COL4A2: variants seen among roughly 807,000 people sequenced by gnomAD.
The protein encoded by COL4A2 is collagen type IV alpha 2 chain, also known as collagen alpha-2(IV) chain.
A neutral mutation model predicts 200.2 loss-of-function variants in COL4A2; 99 were observed. The observed-to-expected ratio is 0.49, with a 90% CI of 0.42 to 0.58. The LOEUF (loss-of-function observed/expected upper bound fraction) is 0.58. Among genes scored for constraint, COL4A2 ranks in the 20% least tolerant of loss-of-function variants. The probability of loss-of-function intolerance (pLI) is 0.00; values close to 1 mark genes in which losing one functional copy is unlikely to be tolerated. For synonymous variants in COL4A2, 897 were observed against 900.6 expected, an observed-to-expected ratio of 1.00 and a Z score of 0.07; for missense variants, 1,950 against 2,314.1, an observed-to-expected ratio of 0.84 and a Z score of 3.23.
chr13:110,360,705 G>T (rs1877475532), intron 4 of COL4A2, among the ~76,000 whole-genome samples: 1 of 152,200 alleles, frequency 6.6e-6, no homozygotes, highest in Admixed American at 6.5e-5. Context: ...TAGTTATCCA[G>T]ACGGGTTATC....
At chr13:110,365,279 T>C (rs554634067) in intron 4 of COL4A2, among the ~76,000 whole-genome samples, 2 of 152,196 alleles carry the variant, frequency 1.3e-5, no homozygotes, top group South Asian at 2.1e-4. Context: ...GTAGCTGGGA[T>C]TACAGGCATG....
At chr13:110,427,278 T>A (rs1594208006) in intron 6 of COL4A2, among the ~76,000 whole-genome samples, 1 of 152,222 alleles carries the variant, frequency 6.6e-6, no homozygotes, top group East Asian at 1.9e-4. Context: ...TCCTCCCGAG[T>A]AGCTGGGATT....
chr13:110,361,208 C>T (rs995516765), intron 4 of COL4A2, among the ~76,000 whole-genome samples: 9 of 152,226 alleles, frequency 5.9e-5, no homozygotes, highest in Non-Finnish European at 4.4e-5. Context: ...AAATCCGGTG[C>T]ATGTGGCTTA....
chr13:110,432,191 G>A, intron 10 of COL4A2, 134 bp from the exon 11 acceptor site: 1 of 1,142,212 alleles, frequency 8.8e-7, no homozygotes, highest in Non-Finnish European at 1.1e-6. Context: ...CAAGCCAAAT[G>A]CATCAGAAAC....
chr13:110,420,023 C>T (rs1395040815), intron 4 of COL4A2, among the ~76,000 whole-genome samples: 2 of 152,210 alleles, frequency 1.3e-5, no homozygotes, highest in African/African-American at 4.8e-5. Flanking sequence ...GGTTCTCAAA[C>T]TGTTATGTAC....
At chr13:110,451,382 A>G (rs1881533443) in intron 20 of COL4A2, among the ~76,000 whole-genome samples, 1 of 152,248 alleles carries the variant, frequency 6.6e-6, no homozygotes, top group Admixed American at 6.5e-5. Flanking sequence ...AATCAGCTGT[A>G]TTAGTTCGTT....
chr13:110,395,860 G>A (rs932075094), intron 4 of COL4A2, among the ~76,000 whole-genome samples: 7 of 152,210 alleles, frequency 4.6e-5, no homozygotes, highest in Non-Finnish European at 1.0e-4. Context: ...CACAAGAATT[G>A]CTTGAACTCA....
Position 110,481,142 on chromosome 13 carries a change from A to G in COL4A2, c.2758+752A>G, listed in dbSNP as rs71441616. Among the ~76,000 whole-genome samples the G allele has an allele frequency of 5.0e-3, 37 of 7,410 alleles. 2 individuals carry two copies. Among genetic ancestry groups the G allele is most frequent in the East Asian group, 0.037 (9 of 246 alleles). 4.9% of individuals were successfully genotyped at this position (7,410 alleles called of 152,430 possible). ...TGGAGACACACAGTTCTGTCCCTCC[A>G]TTGCTGGAGACACACTGTTCTGTCC... On this transcript the variant is annotated intron_variant, in intron 31 of 47. Transcript: ENST00000360467.
chr13:110,311,642 T>G (rs1318777112), intron 3 of COL4A2, among the ~76,000 whole-genome samples: 1 of 152,168 alleles, frequency 6.6e-6, no homozygotes, highest in Non-Finnish European at 1.5e-5. Context: ...TGGGCCTGTT[T>G]AAGGGACTTC....
Position 110,362,488 on chromosome 13 carries a change from A to AT in COL4A2, c.180+4949dup, listed in dbSNP as rs35902884. Among the ~76,000 whole-genome samples, 291 of 146,122 alleles carry AT rather than the reference A, an allele frequency of 2.0e-3. 1 individual carries two copies. Among genetic ancestry groups the AT allele is most frequent in the Admixed American group, 5.1e-3 (75 of 14,734 alleles). Reference sequence around the variant, plus strand: ...ACCACCACACCTGGCTGATTTTTGTATTTTTTTTTTTTTGTGGAGATGGGA... The same window carrying AT: ...ACCACCACACCTGGCTGATTTTTGTATTTTTTTTTTTTTTGTGGAGATGGGA... On this transcript the variant is annotated intron_variant, in intron 4 of 47. Transcript: ENST00000360467.
At chr13:110,435,343 T>C (rs1173030359) in intron 12 of COL4A2, among the ~76,000 whole-genome samples, 1 of 152,172 alleles carries the variant, frequency 6.6e-6, no homozygotes, top group Non-Finnish European at 1.5e-5. Flanking sequence ...AAGAAATCAT[T>C]GGTGGGAGAA....
Position 110,506,257 on chromosome 13 carries a change from ACT to A in COL4A2, c.4403-136_4403-135del, listed in dbSNP as rs10558706. On this transcript the variant is annotated intron_variant, in intron 45 of 47. Transcript: ENST00000360467. ...GGGCTGCAGGTACACCAGGCCGTCC[ACT>A]CTCTCTCTCTCTCTCTCTCTCGGGC... Among the ~76,000 whole-genome samples the A allele has an allele frequency of 0.83, 96,782 of 116,832 alleles. 40,173 individuals carry two copies. The highest frequency in any genetic ancestry group is 0.89 in the Middle Eastern group (206 of 232). The allele number at this position is 116,832 out of a possible 152,430, so 76.6% of individuals were successfully genotyped here.
chr13:110,503,297 G>T lies in COL4A2; in HGVS notation c.4039+15G>T, dbSNP rs745798398. 1 of 1,597,704 alleles carries T rather than the reference G, an allele frequency of 6.3e-7. No homozygotes were observed. ...AGGAGAAAAAGGTAACAGTGCCCATGGCCATGGGCCAGCAGCCCTGGCCAC... is the reference window on the plus strand; with the variant it reads ...AGGAGAAAAAGGTAACAGTGCCCATTGCCATGGGCCAGCAGCCCTGGCCAC... On this transcript the variant is annotated intron_variant, in intron 42 of 47. Coordinates refer to ENST00000360467, the MANE Select transcript of COL4A2 (RefSeq NM_001846.4).
At chr13:110,392,006 A>G (rs1388794979) in intron 4 of COL4A2, among the ~76,000 whole-genome samples, 1 of 152,138 alleles carries the variant, frequency 6.6e-6, no homozygotes, top group South Asian at 2.1e-4. Context: ...GGCCCCACAC[A>G]TTCTGTTTGC....
chr13:110,381,528 G>A (rs1023648858), intron 4 of COL4A2, among the ~76,000 whole-genome samples: 1 of 152,126 alleles, frequency 6.6e-6, no homozygotes, highest in African/African-American at 2.4e-5. Context: ...CTGCCAGGTG[G>A]GTCCTTATGA....
At chr13:110,486,181 C>T (rs1883113176) in intron 34 of COL4A2, among the ~76,000 whole-genome samples, 1 of 152,218 alleles carries the variant, frequency 6.6e-6, no homozygotes, top group African/African-American at 2.4e-5. Flanking sequence ...CCTGAGAGCC[C>T]ATGGCCGAAT....
chr13:110,393,417 TCCA>T (rs1594188750), intron 4 of COL4A2, among the ~76,000 whole-genome samples: 2 of 152,288 alleles, frequency 1.3e-5, no homozygotes, highest in East Asian at 3.9e-4. Flanking sequence ...ATGAATACAA[TCCA>T]GTATAATGTA....
chr13:110,376,609 C>T (rs1012374456), intron 4 of COL4A2, among the ~76,000 whole-genome samples: 5 of 152,098 alleles, frequency 3.3e-5, no homozygotes, highest in African/African-American at 7.2e-5. Flanking sequence ...TGCAAATTAT[C>T]GGAAGGAATG....
chr13:110,438,120 C>A, intron 14 of COL4A2, 83 bp downstream of exon 14: 1 of 1,138,080 alleles, frequency 8.8e-7, no homozygotes, highest in Non-Finnish European at 1.3e-6. Context: ...GTGCACCATG[C>A]GCTCGGGGCC....
Sources: allele counts gnomAD v4.1 joint callset (sites outside exome capture counted in the v4.1 genomes callset), GRCh38; gene constraint gnomAD v4.1.1; transcripts MANE v1.5; gene names NCBI Gene and HGNC (gene_info 2026-07-23, HGNC 2026-07-21).